TTN: variants seen among roughly 807,000 people sequenced by gnomAD.
TTN encodes titin, also known as connectin.
Under a neutral mutation model 3,223.0 loss-of-function variants are expected in TTN, and 1,525 were observed. The ratio of observed to expected loss-of-function variants is 0.47; its 90% CI spans 0.45 to 0.49. The LOEUF (loss-of-function observed/expected upper bound fraction) is 0.49. Among genes scored for constraint, TTN ranks in the 20% least tolerant of loss-of-function variants. TTN has a pLI of 0.00. For missense variants in TTN, 40,786 were observed against 43,424.0 expected (o/e 0.94, Z 5.40); for synonymous variants, 14,094 against 15,161.0 (o/e 0.93, Z 5.17).
chr2:178,615,362 A>G lies in TTN; in HGVS notation c.48583T>C (p.Cys16195Arg). 5 of 1,612,518 alleles carry G rather than the reference A, an allele frequency of 3.1e-6. No individual in the cohort carries two copies. The highest frequency in any genetic ancestry group is 4.2e-6 in the Non-Finnish European group (5 of 1,179,032). ...SRIKGYIVER[C>R]PRGSDKWVAC... ...ACCCATTTATCAGAACCACGTGGAC[A>G]TCTTTCAACTATATATCCTTTGATG... Residue 16195 changes from cysteine (C) to arginine (R), a missense_variant, in exon 259 of 363, where the codon TGT becomes CGT. By Grantham distance (180) the Cys-to-Arg change is radical. Coordinates refer to ENST00000589042, the MANE Select transcript of TTN (RefSeq NM_001267550.2).
chr2:178,752,705 C>T (rs1470349632), intron 47 of TTN, among the ~76,000 whole-genome samples: 4 of 152,040 alleles, frequency 2.6e-5, no homozygotes, highest in Non-Finnish European at 5.9e-5. Flanking sequence ...AGTAAAGTAG[C>T]ATTTCAATCA....
chr2:178,804,495 A>T, intron 2 of TTN, 57 bp downstream of exon 2: 2 of 1,557,846 alleles, frequency 1.3e-6, no homozygotes, highest in Non-Finnish European at 1.8e-6. Flanking sequence ...AGCAACGTTA[A>T]CTTACTGGAG....
intron 2 of TTN, 90 bp downstream of exon 2, chr2:178,804,462 T>G: frequency 3.0e-6 from 4 of 1,321,140 alleles, no homozygotes; most frequent in African/African-American, 1.4e-5. Context: ...AAAGCAGGGC[T>G]TAAACTTGGC....
rs151185701 is a variant in TTN, at chr2:178,784,264, C to A, written c.2581G>T (p.Ala861Ser). The part of the protein sequence containing the change: ...SAQKITKSVK[A>S]PTVKPSETRV... Reference sequence around the variant, plus strand: ...GTCTCACTGGGCTTCACAGTAGGAGCCTTCACCGATTTGGTGATCTTCTGA... The same window carrying A: ...GTCTCACTGGGCTTCACAGTAGGAGACTTCACCGATTTGGTGATCTTCTGA... The change falls in exon 16 of 363, where the codon GCT (alanine) becomes TCT (serine). Residue 861 changes from alanine to serine, a missense_variant. By Grantham distance (99) the Ala-to-Ser change is moderately conservative. Coordinates refer to ENST00000589042, the MANE Select transcript of TTN (RefSeq NM_001267550.2). The A allele has an allele frequency of 6.2e-7, 1 of 1,614,102 alleles. No homozygotes were observed. The highest frequency in any genetic ancestry group is 8.5e-7 in the Non-Finnish European group (1 of 1,179,992).
rs1461138247 is a variant in TTN at position 178,706,649 on chromosome 2, C to G, written c.29225G>C (p.Gly9742Ala). 1 of 1,613,900 alleles carries G rather than the reference C, an allele frequency of 6.2e-7. No homozygotes were observed. Among genetic ancestry groups the G allele is most frequent in the African/African-American group, 1.3e-5 (1 of 75,030 alleles). Residue 9742 changes from glycine to alanine, a missense_variant, in exon 102 of 363, where the codon GGA (glycine) becomes GCA (alanine). Coordinates refer to ENST00000589042, the MANE Select transcript of TTN (RefSeq NM_001267550.2). ...TKGKWRQLNQ[G>A]GRVFIHQKGD... ...TTTTTGGTGGATGAAAACACGACCT[C>G]CTTGGTTCAGCTGTCTCCACTTCCC...
In TTN at chr2:178,531,402, A is replaced by C; in HGVS notation, c.105213T>G (p.Ser35071=). The change falls in exon 358 of 363, where the codon TCT becomes TCG. Residue 35071 remains serine (S), a synonymous_variant. Coordinates refer to ENST00000589042, the MANE Select transcript of TTN (RefSeq NM_001267550.2). ...AYAVSSFKKT[S]EMEASSSVRE... The stretch of plus-strand genomic sequence containing the variant: ...TGACAGAAGACGAAGCTTCCATCTC[A>C]GATGTTTTCTTAAATGATGAAACAG... 6.2e-7 allele frequency: 1 copy of C among 1,613,978 alleles called. No individual in the cohort carries two copies. The highest frequency in any genetic ancestry group is 1.3e-5 in the African/African-American group (1 of 75,044).
At position 178,537,953 on chromosome 2, in the gene TTN, A is replaced by G. The variant is rs2303538; in HGVS notation, c.99290-36T>C. 3.8e-5 allele frequency: 57 copies of G among 1,505,686 alleles called. No individual in the cohort carries two copies. In the East Asian group the frequency reaches 1.3e-3, roughly 34 times the overall value. The allele number at this position is 1,505,686 out of a possible 1,614,324, so 93.3% of individuals were successfully genotyped here. ...TGAAAGATAATATTAAGTGACTGTTAATACTCAATCTGTAATCCTTTGTCC... is the reference window on the plus strand; with the variant it reads ...TGAAAGATAATATTAAGTGACTGTTGATACTCAATCTGTAATCCTTTGTCC... On this transcript the variant is annotated intron_variant, in intron 354 of 362. Coordinates refer to ENST00000589042, the MANE Select transcript of TTN (RefSeq NM_001267550.2).
intron 47 of TTN, chr2:178,748,728 C>T (rs1202696267): frequency 3.7e-6 from 6 of 1,612,630 alleles, no homozygotes; most frequent in Non-Finnish European, 5.1e-6. Context: ...GCAGGTTTAT[C>T]TATAAGACTT....
rs1469339610 is a variant in TTN at position 178,728,278 on chromosome 2, T to C, written c.19546A>G (p.Lys6516Glu). Residue 6516 changes from lysine to glutamate, a missense_variant, in exon 67 of 363, where the codon AAG (lysine) becomes GAG (glutamate). Transcript: ENST00000589042. ...CTTGTAGATATTTCTTTTCCATCCTTAAACCACTGAGCACTAATGGGAAGT... is the reference window on the plus strand; with the variant it reads ...CTTGTAGATATTTCTTTTCCATCCTCAAACCACTGAGCACTAATGGGAAGT... ...GSLPISAQWF[K>E]DGKEISTSAK... 6.2e-7 allele frequency: 1 copy of C among 1,613,214 alleles called. No homozygotes were observed. The highest frequency in any genetic ancestry group is 8.5e-7 in the Non-Finnish European group (1 of 1,179,556).
intron 223 of TTN, 49 bp from the exon 224 acceptor site, chr2:178,637,468 C>T (rs1176428756): frequency 1.6e-6 from 2 of 1,227,288 alleles, no homozygotes; most frequent in Non-Finnish European, 2.2e-6. Context: ...GGACTTATTT[C>T]ATGTTTAATA....
In TTN at chr2:178,599,431, G is replaced by A. The variant is rs1363268909; in HGVS notation, c.56362C>T (p.Pro18788Ser). The A allele has an allele frequency of 2.6e-6, 4 of 1,541,798 alleles. No homozygotes were observed. Among genetic ancestry groups the A allele is most frequent in the Non-Finnish European group, 3.5e-6 (4 of 1,147,156 alleles). Residue 18788 changes from proline (P) to serine (S), a missense_variant, in exon 290 of 363, where the codon CCA becomes TCA. Coordinates refer to ENST00000589042, the MANE Select transcript of TTN (RefSeq NM_001267550.2). Reference protein sequence around the residue: ...RLNVLGRPGPPVGPIKFESVS... With the variant: ...RLNVLGRPGPSVGPIKFESVS... ...GATTCAAATTTTATGGGTCCCACTG[G>A]AGGGCCAGGACGACCTAAAATGGTT...
chr2:178,613,293 G>C lies in TTN; in HGVS notation c.49533-17C>G. The C allele has an allele frequency of 1.3e-6, 2 of 1,568,012 alleles. No homozygotes were observed. The highest frequency in any genetic ancestry group is 8.7e-7 in the Non-Finnish European group (1 of 1,145,308). On this transcript the variant is annotated splice_polypyrimidine_tract_variant and intron_variant, in intron 263 of 362. Transcript: ENST00000589042. ...CCTTTCACTCTGAATTAGGAACAAA[G>C]TGCATGTGTATCATCATGGTAAGAA...
In TTN at chr2:178,720,436, C is replaced by T; in HGVS notation, c.23326G>A (p.Ala7776Thr). The change falls in exon 80 of 363, where the codon GCT becomes ACT. Residue 7776 changes from alanine to threonine, a missense_variant. Transcript: ENST00000589042. ...GTGTCACTTCCCACCTCATTAGTAG[C>T]TTTGCAGTGATATTCCCCGACATCG... ...ASDVGEYHCK[A>T]TNEVGSDTCS... The T allele has an allele frequency of 6.2e-7, 1 of 1,613,686 alleles. No individual in the cohort carries two copies. The highest frequency in any genetic ancestry group is 8.5e-7 in the Non-Finnish European group (1 of 1,179,662).
chr2:178,603,919 A>G lies in TTN; in HGVS notation c.54768T>C (p.Pro18256=). Residue 18256 remains proline (P), a synonymous_variant, in exon 282 of 363, where the codon CCT becomes CCC. Transcript: ENST00000589042. ...AMAINAAGIG[P]PSEPSDPEVA... Reference sequence around the variant, plus strand: ...CCTCTGGATCTGATGGTTCACTGGGAGGACCAATTCCTGCAGCATTTATTG... The same window carrying G: ...CCTCTGGATCTGATGGTTCACTGGGGGGACCAATTCCTGCAGCATTTATTG... 1 of 1,611,722 alleles carries G rather than the reference A, an allele frequency of 6.2e-7. No homozygotes were observed. Among genetic ancestry groups the G allele is most frequent in the African/African-American group, 1.3e-5 (1 of 74,930 alleles).
Position 178,569,973 on chromosome 2 carries a change from G to T in TTN, c.76159C>A (p.Leu25387Ile). Residue 25387 changes from leucine to isoleucine, a missense_variant, in exon 326 of 363, where the codon CTT becomes ATT. Coordinates refer to ENST00000589042, the MANE Select transcript of TTN (RefSeq NM_001267550.2). ...GCAGAAGGAGGGCTTGGTTCACTAAGTCCAGCAGCATTCTCAGCAGAAACT... is the reference window on the plus strand; with the variant it reads ...GCAGAAGGAGGGCTTGGTTCACTAATTCCAGCAGCATTCTCAGCAGAAACT... ...FRVSAENAAG[L>I]SEPSPPSAYQ... 1 of 1,612,390 alleles carries T rather than the reference G, an allele frequency of 6.2e-7. No homozygotes were observed. The highest frequency in any genetic ancestry group is 1.1e-5 in the South Asian group (1 of 90,986).
At chr2:178,619,013 G>C in intron 250 of TTN, 160 bp from the exon 251 acceptor site, 3 of 971,110 alleles carry the variant, frequency 3.1e-6, no homozygotes, top group Non-Finnish European at 4.4e-6. Context: ...AGTTCTCATA[G>C]CTTTTTGTTG....
rs557752216 is a variant in TTN, at chr2:178,528,836, C to T, written c.106915G>A (p.Val35639Ile). ...NIAGATDVKW[V>I]LNGVELTNSE... Reference sequence around the variant, plus strand: ...TTGGTAAGCTCTACGCCATTCAGTACCCATTTCACATCAGTGGCACCAGCA... The same window carrying T: ...TTGGTAAGCTCTACGCCATTCAGTATCCATTTCACATCAGTGGCACCAGCA... Residue 35639 changes from valine (V) to isoleucine (I), a missense_variant, in exon 360 of 363, where the codon GTA becomes ATA. By Grantham distance (29) the Val-to-Ile change is conservative. Transcript: ENST00000589042. The T allele has an allele frequency of 1.2e-6, 2 of 1,613,944 alleles. No homozygotes were observed. The highest frequency in any genetic ancestry group is 2.2e-5 in the East Asian group (1 of 44,882).
In TTN at chr2:178,672,276, G is replaced by T; in HGVS notation, c.34931-9C>A. The T allele has an allele frequency of 1.9e-6, 3 of 1,591,294 alleles. No individual in the cohort carries two copies. Among genetic ancestry groups the T allele is most frequent in the Non-Finnish European group, 2.6e-6 (3 of 1,167,908 alleles). On this transcript the variant is annotated splice_polypyrimidine_tract_variant and intron_variant, in intron 154 of 362. Transcript: ENST00000589042. Reference sequence around the variant, plus strand: ...TTCAAGGACAGTTCTCCCTGAAAGAGCATCTATTTTAAGACTTATTTTTTT... The same window carrying T: ...TTCAAGGACAGTTCTCCCTGAAAGATCATCTATTTTAAGACTTATTTTTTT...
In TTN at chr2:178,570,610, T is replaced by C. The variant is rs6732060; in HGVS notation, c.75522A>G (p.Ala25174=). The C allele has an allele frequency of 1.2e-6, 2 of 1,613,302 alleles. No homozygotes were observed. The highest frequency in any genetic ancestry group is 1.7e-6 in the Non-Finnish European group (2 of 1,179,630). Residue 25174 remains alanine (A), a synonymous_variant, in exon 326 of 363, where the codon GCA becomes GCG. Transcript: ENST00000589042. ...DFATSLSVKD[A]VRVDSGNYIL... ...TGTAATTTCCACTGTCGACACGTAC[T>C]GCATCTTTTACACTGAGACTGGTGG... is the stretch of plus-strand genomic sequence containing the variant.
Sources: gnomAD v4.1 joint callset for allele counts (sites outside exome capture counted in the v4.1 genomes callset) on GRCh38, gnomAD v4.1.1 for gene constraint, MANE v1.5 for transcripts, NCBI Gene and HGNC (gene_info 2026-07-23, HGNC 2026-07-21) for gene names.